Variants in REXO5 observed in about 807,000 individuals in gnomAD.
REXO5 encodes the protein exonuclease NEF-sp.
Under a neutral mutation model 88.5 loss-of-function variants are expected in REXO5, and 48 were observed. That is an observed-to-expected ratio of 0.54 (90% CI 0.43 to 0.69). The LOEUF is 0.69. Ranked by LOEUF, REXO5 falls within the 30% of genes least tolerant of loss-of-function variation. The pLI, the probability that REXO5 is intolerant of heterozygous loss-of-function variation, is 0.00. For synonymous variants in REXO5, 311 were observed against 336.5 expected (o/e 0.92, Z 0.83); for missense variants, 749 against 912.2 (o/e 0.82, Z 2.30).
At position 20,813,538 on chromosome 16, in the gene REXO5, A is replaced by T. The variant is rs553421413; in HGVS notation, c.251+236A>T. 8.6e-4 allele frequency among the ~76,000 whole-genome samples: 131 copies of T among 152,276 alleles called. 1 individual carries two copies. Among genetic ancestry groups the T allele is most frequent in the Admixed American group, 7.8e-4 (12 of 15,298 alleles). ...TTCCAAAAACTCAAAGATGGCAGCT[A>T]TCCCTATATTCCCACATGGCAATAA... On this transcript the variant is annotated intron_variant, in intron 3 of 19. Transcript: ENST00000261377.
intron 17 of REXO5, 104 bp from the exon 18 acceptor site, chr16:20,844,950 C>T (rs2081584560): frequency 6.5e-7 from 1 of 1,527,556 alleles, no homozygotes; most frequent in Non-Finnish European, 9.0e-7. Context: ...ACCAGGGCAG[C>T]AGTTCCTGAT....
At chr16:20,812,719 C>G (rs148345603) in intron 2 of REXO5, among the ~76,000 whole-genome samples, 9 of 152,268 alleles carry the variant, frequency 5.9e-5, no homozygotes, top group African/African-American at 1.9e-4. Context: ...CCAAACCATA[C>G]TACATGTTGA....
rs1209647924 is a variant in REXO5 at position 20,832,159 on chromosome 16, G to T, written c.1162G>T (p.Ala388Ser). The T allele has an allele frequency of 1.3e-6, 2 of 1,596,790 alleles. No individual in the cohort carries two copies. Among genetic ancestry groups the T allele is most frequent in the South Asian group, 2.2e-5 (2 of 89,180 alleles). ...TTACCACTTTGTTTTCTTCAAGATT[G>T]CAGAACTAAATCTAGAAGCACTAGC... The part of the protein sequence containing the change: ...YFLKHGPKKI[A>S]ELNLEALANH... Residue 388 changes from alanine to serine, a missense_variant, in exon 12 of 20, where the codon GCA becomes TCA. By Grantham distance (99) the Ala-to-Ser change is moderately conservative (BLOSUM62 1). Transcript: ENST00000261377.
At chr16:20,826,946 AAGCAT>A in intron 8 of REXO5, 107 bp from the exon 9 acceptor site, 1 of 1,031,272 alleles carries the variant, frequency 9.7e-7, no homozygotes, top group Non-Finnish European at 1.4e-6. Context: ...TTTGGACACT[AAGCAT>A]ATATATATTA....
intron 5 of REXO5, among the ~76,000 whole-genome samples, chr16:20,818,395 A>G (rs2081113807): frequency 6.6e-6 from 1 of 152,170 alleles, no homozygotes; most frequent in South Asian, 2.1e-4. Context: ...TTTTTTCACC[A>G]TGTTCTACCA....
chr16:20,826,134 C>T (rs145045519), intron 8 of REXO5, among the ~76,000 whole-genome samples, 186 bp downstream of exon 8: 1 of 152,296 alleles, frequency 6.6e-6, no homozygotes, highest in African/African-American at 2.4e-5. Context: ...TGCTCTTGCC[C>T]TTCTTGATCT....
intron 11 of REXO5, among the ~76,000 whole-genome samples, chr16:20,831,216 C>T (rs1384045475): frequency 6.6e-6 from 1 of 151,900 alleles, no homozygotes; most frequent in Non-Finnish European, 1.5e-5. Context: ...TTTGTGAAAC[C>T]TTTTAATATC....
chr16:20,822,516 A>G (rs1054033324), intron 6 of REXO5, among the ~76,000 whole-genome samples: 9 of 152,230 alleles, frequency 5.9e-5, no homozygotes, highest in African/African-American at 2.2e-4. Context: ...TTGTACAGCC[A>G]TCACCACAAT....
intron 2 of REXO5, among the ~76,000 whole-genome samples, chr16:20,810,338 T>C (rs1260575405): frequency 1.3e-5 from 2 of 152,222 alleles, no homozygotes; most frequent in African/African-American, 2.4e-5. Flanking sequence ...TTATGTGAAT[T>C]CACATCAGTA....
intron 19 of REXO5, among the ~76,000 whole-genome samples, chr16:20,848,988 A>G (rs2152514456): frequency 6.6e-6 from 1 of 152,258 alleles, no homozygotes; most frequent in East Asian, 1.9e-4. Context: ...GAGCTTTTTT[A>G]TTTTTTAAAT....
chr16:20,821,760 A>C lies in REXO5; in HGVS notation c.476-2A>C, dbSNP rs374295853. Reference sequence around the variant, plus strand: ...ATATACGTTCAATTGTTTTTCTTTCAGGGCCTTTACCTTCTAATGCAAAAG... The same window carrying C: ...ATATACGTTCAATTGTTTTTCTTTCCGGGCCTTTACCTTCTAATGCAAAAG... On this transcript the variant is annotated splice_acceptor_variant, in intron 5 of 19. Coordinates refer to ENST00000261377, the MANE Select transcript of REXO5 (RefSeq NM_030941.3). LOFTEE classifies it high-confidence loss of function. The C allele has an allele frequency of 2.6e-6, 4 of 1,567,768 alleles. No individual in the cohort carries two copies. Among genetic ancestry groups the C allele is most frequent in the Non-Finnish European group, 3.4e-6 (4 of 1,164,716 alleles).
Position 20,839,803 on chromosome 16 carries a change from G to A in REXO5, c.1432G>A (p.Val478Ile). The A allele has an allele frequency of 6.2e-7, 1 of 1,613,924 alleles. No homozygotes were observed. Among genetic ancestry groups the A allele is most frequent in the Middle Eastern group, 1.7e-4 (1 of 6,058 alleles). The change falls in exon 14 of 20, where the codon GTT becomes ATT. Residue 478 changes from valine to isoleucine, a missense_variant. Coordinates refer to ENST00000261377, the MANE Select transcript of REXO5 (RefSeq NM_030941.3). ...AATCCCCCTGTTTCCCTTCAGCATT[G>A]TTCAGTTCTCTTTTAAGGCCTTTTC... Reference protein sequence around the residue: ...VEIPLFPFSIVQFSFKAFSPV... With the variant: ...VEIPLFPFSIIQFSFKAFSPV...
chr16:20,824,176 T>G (rs1193336900), intron 6 of REXO5, among the ~76,000 whole-genome samples: 1 of 152,222 alleles, frequency 6.6e-6, no homozygotes, highest in African/African-American at 2.4e-5. Context: ...GAAAAATTGT[T>G]ACTTGGTAAC....
chr16:20,811,927 G>C (rs1166732466), intron 2 of REXO5, among the ~76,000 whole-genome samples: 1 of 152,164 alleles, frequency 6.6e-6, no homozygotes, highest in Non-Finnish European at 1.5e-5. Context: ...AGGAAACTGA[G>C]TCTTAGAAAG....
chr16:20,840,365 A>G lies in REXO5; in HGVS notation c.1523A>G (p.Tyr508Cys), dbSNP rs1414095389. 5 of 1,583,188 alleles carry G rather than the reference A, an allele frequency of 3.2e-6. No individual in the cohort carries two copies. The highest frequency in any genetic ancestry group is 3.5e-6 in the Non-Finnish European group (4 of 1,157,496). ...RIKWTEISTV[Y>C]AGPFSKNCNL... ...AAGTGGACAGAGATATCAACTGTCT[A>G]TGCTGGGCCATTTAGCAAAAATTGC... is the stretch of plus-strand genomic sequence containing the variant. Residue 508 changes from tyrosine (Y) to cysteine (C), a missense_variant, in exon 15 of 20, where the codon TAT (tyrosine) becomes TGT (cysteine). By Grantham distance (194) the Tyr-to-Cys change is radical. Transcript: ENST00000261377.
Position 20,828,495 on chromosome 16 carries a change from C to T in REXO5, c.1116C>T (p.Ile372=). ...ATGCCACAGAAGATGCTAGAACAAT[C>T]CTTGAATTGGCTCGGTATTTCCTTA... The part of the protein sequence containing the change: ...GHDATEDART[I]LELARYFLKH... Residue 372 remains isoleucine, a synonymous_variant, in exon 11 of 20, where the codon ATC becomes ATT. Transcript: ENST00000261377. 6.2e-7 allele frequency: 1 copy of T among 1,613,948 alleles called. No homozygotes were observed. Among genetic ancestry groups the T allele is most frequent in the Non-Finnish European group, 8.5e-7 (1 of 1,179,886 alleles).
intron 2 of REXO5, 186 bp downstream of exon 2, chr16:20,807,277 T>C: frequency 1.4e-6 from 1 of 697,294 alleles, no homozygotes; most frequent in Non-Finnish European, 2.3e-6. Flanking sequence ...TGTCATTGGC[T>C]GTCACTGGGA....
At chr16:20,843,080 C>T (rs1198650749) in intron 15 of REXO5, among the ~76,000 whole-genome samples, 1 of 152,082 alleles carries the variant, frequency 6.6e-6, no homozygotes, top group Non-Finnish European at 1.5e-5. Context: ...TTTGCGTTTC[C>T]CTAATGATTA....
intron 13 of REXO5, among the ~76,000 whole-genome samples, chr16:20,835,486 T>A (rs2048579722): frequency 6.6e-6 from 1 of 152,208 alleles, no homozygotes; most frequent in Admixed American, 6.5e-5. Context: ...TTGGGCATCC[T>A]TTCCTTGACC....
Sources: gnomAD v4.1 joint callset for allele counts (sites outside exome capture counted in the v4.1 genomes callset) on GRCh38, gnomAD v4.1.1 for gene constraint, MANE v1.5 for transcripts, NCBI Gene and HGNC (gene_info 2026-07-23, HGNC 2026-07-21) for gene names.